The following IQANK1 variants were observed in gnomAD, a reference collection of about 807,000 sequenced individuals.
IQANK1 encodes IQ motif and ankyrin repeat containing 1, also known as IQ motif and ankyrin repeat domain-containing protein 1.
A neutral mutation model predicts 22.6 loss-of-function variants in IQANK1; 30 were observed. The observed-to-expected ratio is 1.33, with a 90% CI of 0.99 to 1.80. The LOEUF (loss-of-function observed/expected upper bound fraction) is 1.80, where lower values mean the gene tolerates loss of function less well. Ranked by LOEUF, IQANK1 falls within the 40% of genes most tolerant of loss-of-function variation. The pLI is 0.00. For synonymous variants in IQANK1, 122 were observed against 99.6 expected (o/e 1.23, Z -1.34); for missense variants, 275 against 235.2 (o/e 1.17, Z -1.11).
intron 2 of IQANK1, among the ~76,000 whole-genome samples, chr8:143,738,489 T>A (rs1236781176): frequency 6.6e-6 from 1 of 152,128 alleles, no homozygotes; most frequent in Non-Finnish European, 1.5e-5. Flanking sequence ...AGGGAGTTTA[T>A]AGGGACTCCA....
At chr8:143,757,339 CTTT>C (rs781980396) in intron 3 of IQANK1, among the ~76,000 whole-genome samples, 7 of 143,262 alleles carry the variant, frequency 4.9e-5, no homozygotes, top group Middle Eastern at 3.6e-3. Flanking sequence ...ATGTGTCTTT[CTTT>C]TTTTTTTTTT....
intron 7 of IQANK1, among the ~76,000 whole-genome samples, chr8:143,784,779 C>T (rs1819856170): frequency 6.6e-6 from 1 of 152,108 alleles, no homozygotes; most frequent in Non-Finnish European, 1.5e-5. Context: ...TTGGTCAGAT[C>T]TAGTCATTTG....
At chr8:143,739,107 G>A (rs969682646) in intron 2 of IQANK1, among the ~76,000 whole-genome samples, 1 of 152,228 alleles carries the variant, frequency 6.6e-6, no homozygotes, top group Non-Finnish European at 1.5e-5. Flanking sequence ...CATCCTGGCT[G>A]GGGGCTGGCT....
intron 3 of IQANK1, among the ~76,000 whole-genome samples, chr8:143,746,862 TTTTA>T (rs1162815433): frequency 6.6e-5 from 10 of 152,036 alleles, no homozygotes; most frequent in African/African-American, 2.4e-4. Context: ...TTATGATATT[TTTTA>T]TTTATTTATT....
intron 7 of IQANK1, among the ~76,000 whole-genome samples, chr8:143,783,893 T>C (rs1554631131): frequency 2.6e-5 from 4 of 152,244 alleles, no homozygotes; most frequent in Non-Finnish European, 2.9e-5. Flanking sequence ...TATATACTTA[T>C]AGCTCTGTTC....
Position 143,772,178 on chromosome 8 carries a change from G to A in IQANK1, c.598G>A (p.Ala200Thr). The A allele has an allele frequency of 2.5e-6, 1 of 393,916 alleles. No homozygotes were observed. Among genetic ancestry groups the A allele is most frequent in the Non-Finnish European group, 4.5e-6 (1 of 223,018 alleles). The allele number at this position is 393,916 out of a possible 1,614,324, so 24.4% of individuals were successfully genotyped here. The change falls in exon 6 of 14, where the codon GCC becomes ACC. Residue 200 changes from alanine (A) to threonine (T), a missense_variant. By Grantham distance (58) the Ala-to-Thr change is moderately conservative (BLOSUM62 0). Coordinates refer to ENST00000527139, the MANE Select transcript of IQANK1 (RefSeq NM_001381874.1). ...SYGNTPLSEA[A>T]AGGQPLAIQL... is the part of the protein sequence containing the mutation. ...CGGGAACACGCCGCTGTCGGAGGCG[G>A]CCGCAGGCGGGCAGCCCCTGGCCAT...
chr8:143,758,356 C>T lies in IQANK1; in HGVS notation c.176-13132C>T, dbSNP rs187118617. 488 of 152,136 alleles carry T rather than the reference C, an allele frequency of 3.2e-3. 2 individuals are homozygous for T. Among genetic ancestry groups the T allele is most frequent in the Non-Finnish European group, 4.7e-3 (321 of 68,100 alleles). 9.4% of individuals were successfully genotyped at this position (152,136 alleles called of 1,614,324 possible). A position where few individuals can be genotyped will look rare whatever the true frequency, so the allele number is the denominator to read the frequency against. On this transcript the variant is annotated intron_variant, in intron 3 of 13. Coordinates refer to ENST00000527139, the MANE Select transcript of IQANK1 (RefSeq NM_001381874.1). The surrounding 1 kb of genome is among the most constrained non-coding windows in gnomAD (Gnocchi z 4.2). Reference sequence around the variant, plus strand: ...GCACATGCCTGTAGTCCTAGCTACTCGAAGGCTGACGCAGGAGAATCGCTT... The same window carrying T: ...GCACATGCCTGTAGTCCTAGCTACTTGAAGGCTGACGCAGGAGAATCGCTT...
At chr8:143,779,526 TTAATC>T (rs1241326793) in intron 7 of IQANK1, among the ~76,000 whole-genome samples, 2 of 152,290 alleles carry the variant, frequency 1.3e-5, no homozygotes, top group South Asian at 2.1e-4. Context: ...GTTCATTCAA[TTAATC>T]TAATCTTCAT....
At chr8:143,736,942 C>T (rs1554625765) in intron 2 of IQANK1, among the ~76,000 whole-genome samples, 1 of 152,110 alleles carries the variant, frequency 6.6e-6, no homozygotes, top group Non-Finnish European at 1.5e-5. Flanking sequence ...AAGAGAGCAC[C>T]CCATCCTGCT....
At chr8:143,750,288 G>A (rs567917012) in intron 3 of IQANK1, among the ~76,000 whole-genome samples, 20 of 152,236 alleles carry the variant, frequency 1.3e-4, no homozygotes, top group African/African-American at 3.4e-4. Flanking sequence ...GTGAGTCACC[G>A]TCCCTGACCT....
At position 143,752,996 on chromosome 8, in the gene IQANK1, G is replaced by GTTTTTTTTTTTTTTTTTTTTTTTTT; in HGVS notation, c.175+13049_175+13073dup. Among the ~76,000 whole-genome samples the GTTTTTTTTTTTTTTTTTTTTTTTTT allele has an allele frequency of 2.9e-5, 2 of 69,904 alleles. 1 individual carries two copies. Among genetic ancestry groups the GTTTTTTTTTTTTTTTTTTTTTTTTT allele is most frequent in the Non-Finnish European group, 4.7e-5 (2 of 42,552 alleles). The allele number at this position is 69,904 out of a possible 152,430, so 45.9% of individuals were successfully genotyped here. ...CCCACAGGTCCCTTACTCTCTGTTC[G>GTTTTTTTTTTTTTTTTTTTTTTTTT]TTTTTTTTTTTTTTTTTTTTTTTTT... On this transcript the variant is annotated intron_variant, in intron 3 of 13. Transcript: ENST00000527139.
At chr8:143,786,218 T>C (rs1035448887) in intron 7 of IQANK1, among the ~76,000 whole-genome samples, 4 of 152,202 alleles carry the variant, frequency 2.6e-5, no homozygotes, top group Non-Finnish European at 5.9e-5. Context: ...TATTTTTCAC[T>C]CTTTTTTCAC....
chr8:143,769,762 A>G (rs1001035059), intron 3 of IQANK1, among the ~76,000 whole-genome samples: 2 of 152,226 alleles, frequency 1.3e-5, no homozygotes, highest in East Asian at 1.9e-4. Flanking sequence ...GCCGTCAGAC[A>G]CTTGTTTAAA....
intron 9 of IQANK1, 89 bp downstream of exon 9, chr8:143,789,332 G>T: frequency 1.9e-6 from 1 of 520,496 alleles, no homozygotes; most frequent in Non-Finnish European, 3.0e-6. Context: ...AGGAAGCTGG[G>T]GGAAGAGCCA....
At chr8:143,776,327 C>CAA (rs57571355) in intron 7 of IQANK1, among the ~76,000 whole-genome samples, 2,149 of 104,124 alleles carry the variant, frequency 0.021, 114 homozygotes, top group East Asian at 0.15. Context: ...GACTCCGTCT[C>CAA]AAAAAAAAAA....
chr8:143,770,126 C>A (rs782553974), intron 3 of IQANK1, among the ~76,000 whole-genome samples: 6 of 152,196 alleles, frequency 3.9e-5, no homozygotes, highest in Non-Finnish European at 8.8e-5. Flanking sequence ...CTCAGGAGAG[C>A]CGGACTTTCC....
chr8:143,743,761 C>T, intron 3 of IQANK1: 1 of 344,126 alleles, frequency 2.9e-6, no homozygotes, highest in Non-Finnish European at 5.7e-6. Flanking sequence ...AATAATTATG[C>T]TGCCATCTAC....
intron 2 of IQANK1, chr8:143,739,613 G>A (rs1818839344): frequency 2.4e-6 from 1 of 415,898 alleles, no homozygotes; most frequent in Non-Finnish European, 4.2e-6. Flanking sequence ...CAAGAGCCCA[G>A]GTGCCTTCCT....
At chr8:143,738,712 C>G (rs1818811009) in intron 2 of IQANK1, among the ~76,000 whole-genome samples, 1 of 152,184 alleles carries the variant, frequency 6.6e-6, no homozygotes, top group Admixed American at 6.5e-5. Context: ...CCGCCCCATC[C>G]CGGCTCCCCC....
Sources: allele counts gnomAD v4.1 joint callset (sites outside exome capture counted in the v4.1 genomes callset), GRCh38; gene constraint gnomAD v4.1.1; non-coding constraint Gnocchi (gnomAD v3.1); transcripts MANE v1.5; gene names NCBI Gene and HGNC (gene_info 2026-07-23, HGNC 2026-07-21).